Variants in XDH observed in about 807,000 individuals in gnomAD.
XDH encodes the protein xanthine dehydrogenase/oxidase.
XDH carries 138 observed loss-of-function variants against 156.1 expected under a neutral mutation model. The observed-to-expected ratio is 0.88, with a 90% CI of 0.77 to 1.02. The LOEUF (loss-of-function observed/expected upper bound fraction) is 1.02, where lower values mean the gene tolerates loss of function less well. XDH is among the 50% of genes least tolerant of loss of function. The probability of loss-of-function intolerance (pLI) is 0.00; values close to 1 mark genes in which losing one functional copy is unlikely to be tolerated. For synonymous variants in XDH, 669 were observed against 625.7 expected (o/e 1.07, Z -1.03); for missense variants, 1,849 against 1,684.9 (o/e 1.10, Z -1.71).
At chr2:31,378,851 A>AC (rs1686351559) in intron 13 of XDH, among the ~76,000 whole-genome samples, 2 of 127,500 alleles carry the variant, frequency 1.6e-5, no homozygotes, top group South Asian at 4.9e-4. Flanking sequence ...ATCACTCATA[A>AC]TTAAAAAAAA....
intron 32 of XDH, 24 bp from the exon 33 acceptor site, chr2:31,341,418 A>G (rs1431469672): frequency 1.3e-6 from 2 of 1,560,298 alleles, no homozygotes; most frequent in South Asian, 1.2e-5. Context: ...CAAAATTACA[A>G]GAAGTTAGAG....
In XDH at chr2:31,370,241, C is replaced by T. The variant is rs558400317; in HGVS notation, c.1980+114G>A. On this transcript the variant is annotated intron_variant, in intron 18 of 35. Transcript: ENST00000379416. ...TGAATATGGGCCAACTGGATGATGG[C>T]CATAATCCATGCAAATGTATAACCT... 184 of 1,261,038 alleles carry T rather than the reference C, an allele frequency of 1.5e-4. 1 individual carries two copies. In the East Asian group the frequency reaches 4.1e-3, roughly 28 times the overall value. The allele number at this position is 1,261,038 out of a possible 1,614,324, so 78.1% of individuals were successfully genotyped here.
intron 1 of XDH, among the ~76,000 whole-genome samples, chr2:31,406,385 G>T (rs966172426): frequency 1.3e-5 from 2 of 152,160 alleles, no homozygotes; most frequent in African/African-American, 4.8e-5. Context: ...TGCTTGTACA[G>T]CCTGCAGAAC....
intron 33 of XDH, among the ~76,000 whole-genome samples, chr2:31,340,058 C>A (rs1685084379): frequency 6.6e-6 from 1 of 152,228 alleles, no homozygotes; most frequent in South Asian, 2.1e-4. Flanking sequence ...TACCTCCAGC[C>A]TTTTTGAACG....
intron 24 of XDH, among the ~76,000 whole-genome samples, chr2:31,351,044 T>C (rs1685465080): frequency 6.6e-6 from 1 of 152,218 alleles, no homozygotes; most frequent in Non-Finnish European, 1.5e-5. Flanking sequence ...ACTTTTTCAG[T>C]TTTAGACTTT....
chr2:31,366,846 T>C, intron 21 of XDH, 24 bp downstream of exon 21: 2 of 1,613,670 alleles, frequency 1.2e-6, no homozygotes, highest in Non-Finnish European at 1.7e-6. Context: ...GACAGCCCCT[T>C]GAGCTGACCC....
chr2:31,403,110 CT>C lies in XDH; in HGVS notation c.134del (p.Glu45GlyfsTer9). 5.6e-6 allele frequency: 9 copies of C among 1,614,184 alleles called. 1 individual carries two copies. The highest frequency in any genetic ancestry group is 2.7e-5 in the African/African-American group (2 of 75,054). ...TCACTGTGCAAGCCCCGCAGCCCCC[CT>C]CTCCACAGCCGAGCTTGGTTCCACT... ...GLSGTKLGCGEGGCGACTVML... is the reference protein window; with the variant it reads ...GLSGTKLGCGXGGCGACTVML... On this transcript the variant is annotated frameshift_variant, in exon 3 of 36. Transcript: ENST00000379416. LOFTEE classifies it high-confidence loss of function.
At position 31,388,287 on chromosome 2, in the gene XDH, T is replaced by A. The variant is rs994262727; in HGVS notation, c.504A>T (p.Gly168=). Residue 168 remains glycine (G), a synonymous_variant, in exon 7 of 36, where the codon GGA becomes GGT. Transcript: ENST00000379416. The part of the protein sequence containing the change: ...QGFRTFARDG[G]CCGGDGNNPN... ...GATTATTCCCATCTCCTCCACAGCA[T>A]CCACCATCCTAGAGAGATGATGAAC... The A allele has an allele frequency of 1.2e-6, 2 of 1,614,172 alleles. No individual in the cohort carries two copies. Among genetic ancestry groups the A allele is most frequent in the Non-Finnish European group, 1.7e-6 (2 of 1,180,010 alleles).
intron 21 of XDH, among the ~76,000 whole-genome samples, 185 bp downstream of exon 21, chr2:31,366,685 G>A (rs1029190695): frequency 6.6e-6 from 1 of 152,200 alleles, no homozygotes; most frequent in Non-Finnish European, 1.5e-5. Context: ...GCTGAGAAAG[G>A]TTATGGAACA....
chr2:31,363,112 G>T (rs1004708204), intron 24 of XDH, among the ~76,000 whole-genome samples: 1 of 152,124 alleles, frequency 6.6e-6, no homozygotes. Flanking sequence ...AGGAGTTCGA[G>T]ACCAGCCTCA....
In XDH at chr2:31,364,189, T is replaced by C. The variant is rs374758075; in HGVS notation, c.2600A>G (p.Asn867Ser). ...VVALEVDHFS[N>S]VGNTQDLSQS... ...AGAGAGATCCTGGGTGTTCCCCACA[T>C]TGCTGAAGTGGTCCACCTCAAGAGC... Residue 867 changes from asparagine to serine, a missense_variant, in exon 24 of 36, where the codon AAT becomes AGT. Coordinates refer to ENST00000379416, the MANE Select transcript of XDH (RefSeq NM_000379.4). The C allele has an allele frequency of 1.2e-5, 20 of 1,613,978 alleles. No individual in the cohort carries two copies. The highest frequency in any genetic ancestry group is 1.7e-5 in the Non-Finnish European group (20 of 1,180,012).
chr2:31,368,605 G>C lies in XDH; in HGVS notation c.2036C>G (p.Thr679Arg). The C allele has an allele frequency of 6.2e-7, 1 of 1,614,200 alleles. No homozygotes were observed. Among genetic ancestry groups the C allele is most frequent in the Non-Finnish European group, 8.5e-7 (1 of 1,180,026 alleles). ...GAVVADTPEH[T>R]QRAAQGVKIT... The stretch of plus-strand genomic sequence containing the variant: ...TTTCACCCCTTGGGCAGCTCTCTGT[G>C]TGTGTTCCGGGGTGTCAGCAACCAC... Residue 679 changes from threonine to arginine, a missense_variant, in exon 19 of 36, where the codon ACA becomes AGA. Thr to Arg is a moderately conservative substitution (Grantham distance 71). Transcript: ENST00000379416.
chr2:31,356,367 T>A (rs1276095221), intron 24 of XDH, among the ~76,000 whole-genome samples: 3 of 152,194 alleles, frequency 2.0e-5, no homozygotes, highest in African/African-American at 7.2e-5. Flanking sequence ...AAATACTACC[T>A]TATATGGCAA....
intron 1 of XDH, among the ~76,000 whole-genome samples, chr2:31,410,710 A>T (rs190062953): frequency 1.3e-5 from 2 of 152,304 alleles, no homozygotes; most frequent in Admixed American, 1.3e-4. Flanking sequence ...ATTACAAGAA[A>T]GCATAATACA....
At chr2:31,404,923 C>T (rs569934135) in intron 2 of XDH, among the ~76,000 whole-genome samples, 2 of 152,262 alleles carry the variant, frequency 1.3e-5, no homozygotes, top group African/African-American at 4.8e-5. Context: ...CTTTGCTGTC[C>T]CCAAATATGT....
intron 34 of XDH, among the ~76,000 whole-genome samples, chr2:31,338,680 T>C (rs934501834): frequency 3.4e-5 from 5 of 146,902 alleles, no homozygotes; most frequent in African/African-American, 1.3e-4. Context: ...AAGGAAGAAA[T>C]AGAAGACACA....
chr2:31,344,030 C>T (rs1009825893), intron 31 of XDH, among the ~76,000 whole-genome samples: 10 of 152,036 alleles, frequency 6.6e-5, no homozygotes, highest in East Asian at 1.9e-4. Flanking sequence ...TTCCCAGAGA[C>T]GGCTAAAATA....
intron 6 of XDH, among the ~76,000 whole-genome samples, chr2:31,395,693 T>C (rs150956985): frequency 6.6e-6 from 1 of 152,254 alleles, no homozygotes; most frequent in Non-Finnish European, 1.5e-5. Context: ...CTGGCAAAGG[T>C]TCCTGCAGAG....
intron 23 of XDH, 60 bp downstream of exon 23, chr2:31,365,397 G>A (rs1685882853): frequency 1.3e-6 from 2 of 1,586,080 alleles, no homozygotes; most frequent in South Asian, 1.1e-5. Flanking sequence ...TGGACATTCG[G>A]TCCCAGCTTT....
Sources: gnomAD v4.1 joint callset for allele counts (sites outside exome capture counted in the v4.1 genomes callset) on GRCh38, gnomAD v4.1.1 for gene constraint, MANE v1.5 for transcripts, NCBI Gene and HGNC (gene_info 2026-07-23, HGNC 2026-07-21) for gene names.